SAMD5: variants seen among roughly 807,000 people sequenced by gnomAD.
The protein encoded by SAMD5 is sterile alpha motif domain containing 5.
In SAMD5, 13 loss-of-function variants were observed where a neutral mutation model predicts 11.3. The observed-to-expected ratio is 1.15, with a 90% CI of 0.75 to 1.83. The LOEUF (loss-of-function observed/expected upper bound fraction) is 1.83. Among genes scored for constraint, SAMD5 ranks in the 40% most tolerant of loss-of-function variants. The probability of loss-of-function intolerance (pLI) is 0.00; values close to 1 mark genes in which losing one functional copy is unlikely to be tolerated. For synonymous variants in SAMD5, 129 were observed against 111.3 expected (o/e 1.16, Z -1.00); for missense variants, 255 against 239.1 (o/e 1.07, Z -0.44).
At chr6:147,869,236 G>T in the SAMD5 span, among the ~76,000 whole-genome samples, 1 of 152,104 alleles carries the variant, frequency 6.6e-6, no homozygotes, top group African/African-American at 2.4e-5. Flanking sequence ...CAGATGAAGG[G>T]GTCCCCTCTG....
the SAMD5 span, among the ~76,000 whole-genome samples, chr6:147,865,062 AAACTTATTTCACCT>A: frequency 2.0e-5 from 3 of 152,218 alleles, no homozygotes; most frequent in African/African-American, 7.2e-5. Context: ...ATTGCTTCCC[AAACTTATTTCACCT>A]AACTTATTTC....
At chr6:147,794,599 A>G in the SAMD5 span, among the ~76,000 whole-genome samples, 2 of 152,228 alleles carry the variant, frequency 1.3e-5, no homozygotes, top group African/African-American at 4.8e-5. Context: ...TATATAATTT[A>G]AAAGATGGTA....
chr6:147,797,634 G>C, the SAMD5 span, among the ~76,000 whole-genome samples: 1 of 137,978 alleles, frequency 7.2e-6, no homozygotes. Context: ...AATAGTTTCA[G>C]AAGGAATGGT....
At chr6:147,606,178 AC>A (rs1381879957) in intron 1 of SAMD5, among the ~76,000 whole-genome samples, 1 of 152,056 alleles carries the variant, frequency 6.6e-6, no homozygotes, top group African/African-American at 2.4e-5. Context: ...AGACTAGATG[AC>A]CCCATGGCGT....
the SAMD5 span, among the ~76,000 whole-genome samples, chr6:147,761,807 G>A: frequency 6.6e-6 from 1 of 152,120 alleles, no homozygotes; most frequent in East Asian, 1.9e-4. Context: ...TCTGCCTCCA[G>A]GTTCAAGTGA....
chr6:147,925,173 G>A, the SAMD5 span, among the ~76,000 whole-genome samples: 12 of 152,298 alleles, frequency 7.9e-5, no homozygotes, highest in African/African-American at 2.6e-4. Flanking sequence ...GGTCACGAGG[G>A]TGGAGCCCTT....
intron 1 of SAMD5, among the ~76,000 whole-genome samples, chr6:147,653,442 T>C (rs1790518751): frequency 6.6e-6 from 1 of 152,224 alleles, no homozygotes; most frequent in African/African-American, 2.4e-5. Context: ...CACACATCCA[T>C]ATGCATGTTA....
the SAMD5 span, among the ~76,000 whole-genome samples, chr6:147,849,158 ATTTTTT>A: frequency 7.1e-6 from 1 of 140,720 alleles, no homozygotes; most frequent in African/African-American, 2.7e-5. Context: ...CTATATGTGA[ATTTTTT>A]TTTTTTTTTT....
intron 1 of SAMD5, among the ~76,000 whole-genome samples, chr6:147,601,452 A>T (rs114429884): frequency 0.011 from 1,676 of 152,192 alleles, 36 homozygotes; most frequent in African/African-American, 0.038. Flanking sequence ...TAATTTACTG[A>T]ATGATTTGTA....
the SAMD5 span, among the ~76,000 whole-genome samples, chr6:147,882,601 G>A: frequency 2.0e-5 from 3 of 152,186 alleles, no homozygotes; most frequent in Non-Finnish European, 4.4e-5. Flanking sequence ...AAAATTAAAA[G>A]AAAAATATTC....
At chr6:147,658,336 C>G (rs1790598814) in intron 1 of SAMD5, among the ~76,000 whole-genome samples, 1 of 152,172 alleles carries the variant, frequency 6.6e-6, no homozygotes, top group South Asian at 2.1e-4. Context: ...CCAGTAGTGC[C>G]CAAGGTGCAA....
At chr6:147,665,160 C>T (rs1297144928) in intron 1 of SAMD5, among the ~76,000 whole-genome samples, 1 of 152,174 alleles carries the variant, frequency 6.6e-6, no homozygotes, top group African/African-American at 2.4e-5. Flanking sequence ...AAAATTTAAG[C>T]AACTGATTCT....
chr6:147,511,819 T>G (rs1361996651), intron 1 of SAMD5, among the ~76,000 whole-genome samples: 1 of 152,234 alleles, frequency 6.6e-6, no homozygotes, highest in Non-Finnish European at 1.5e-5. Flanking sequence ...AGTTTTGGAT[T>G]TTAAATTATT....
chr6:147,664,153 T>G (rs2128454732), intron 1 of SAMD5, among the ~76,000 whole-genome samples: 1 of 152,238 alleles, frequency 6.6e-6, no homozygotes, highest in African/African-American at 2.4e-5. Flanking sequence ...TCTATTTAAA[T>G]TTTCTGGTGC....
intron 1 of SAMD5, among the ~76,000 whole-genome samples, chr6:147,646,351 TG>T (rs753508029): frequency 1.3e-5 from 2 of 152,188 alleles, no homozygotes; most frequent in Non-Finnish European, 2.9e-5. Flanking sequence ...GAGATACATT[TG>T]CATCAATTGT....
At chr6:147,699,810 G>A (rs1791227112) in intron 1 of SAMD5, among the ~76,000 whole-genome samples, 2 of 152,208 alleles carry the variant, frequency 1.3e-5, no homozygotes, top group Admixed American at 1.3e-4. Flanking sequence ...GCAAGACTCA[G>A]GGTACTATGA....
chr6:147,547,876 T>C (rs916666886), intron 1 of SAMD5, among the ~76,000 whole-genome samples: 4 of 152,196 alleles, frequency 2.6e-5, no homozygotes, highest in East Asian at 1.9e-4. Context: ...AAATGCAGAA[T>C]TGAAAAGTAA....
chr6:147,564,366 A>G, intron 1 of SAMD5, 28 bp from the exon 2 acceptor site: 1 of 779,770 alleles, frequency 1.3e-6, no homozygotes. Context: ...GGAGAACTTC[A>G]ATAACCCAGA....
chr6:147,922,336 A>T, the SAMD5 span, among the ~76,000 whole-genome samples: 2 of 152,176 alleles, frequency 1.3e-5, no homozygotes, highest in Admixed American at 1.3e-4. Flanking sequence ...GGAACTTAAT[A>T]ATTTAAAGCA....
Sources: allele counts gnomAD v4.1 joint callset (sites outside exome capture counted in the v4.1 genomes callset), GRCh38; gene constraint gnomAD v4.1.1; transcripts MANE v1.5; gene names NCBI Gene and HGNC (gene_info 2026-07-23, HGNC 2026-07-21).